The following EPS15 variants were observed in gnomAD, a reference collection of about 807,000 sequenced individuals.
EPS15 encodes the protein epidermal growth factor receptor pathway substrate 15, also known as epidermal growth factor receptor substrate 15.
In EPS15, 72 loss-of-function variants were observed where a neutral mutation model predicts 113.8. That is an observed-to-expected ratio of 0.63 (90% CI 0.52 to 0.77). The LOEUF (loss-of-function observed/expected upper bound fraction) is 0.77, where lower values mean the gene tolerates loss of function less well. Among genes scored for constraint, EPS15 ranks in the 30% least tolerant of loss-of-function variants. The pLI is 0.00. For missense variants in EPS15, 1,048 were observed against 1,045.8 expected, an observed-to-expected ratio of 1.00 and a Z score of -0.03; for synonymous variants, 344 against 363.4, an observed-to-expected ratio of 0.95 and a Z score of 0.61.
At chr1:51,440,313 G>A in intron 12 of EPS15, 34 bp downstream of exon 12, 7 of 777,438 alleles carry the variant, frequency 9.0e-6, no homozygotes, top group Non-Finnish European at 1.6e-5. Flanking sequence ...GTGTGTGTGT[G>A]TATGTGAGTA....
At chr1:51,485,909 T>C (rs1644112596) in intron 1 of EPS15, among the ~76,000 whole-genome samples, 1 of 152,052 alleles carries the variant, frequency 6.6e-6, no homozygotes, top group South Asian at 2.1e-4. Context: ...GCGATTCTCA[T>C]GCCTCAGCCT....
intron 17 of EPS15, among the ~76,000 whole-genome samples, chr1:51,402,917 A>T (rs1382872592): frequency 1.3e-5 from 2 of 152,206 alleles, no homozygotes; most frequent in Non-Finnish European, 2.9e-5. Context: ...AAACAAAAGG[A>T]AAATCAACTG....
At chr1:51,505,676 CAATT>C (rs1339425821) in intron 1 of EPS15, among the ~76,000 whole-genome samples, 6 of 151,668 alleles carry the variant, frequency 4.0e-5, no homozygotes, top group Admixed American at 3.3e-4. Context: ...AATTACATCT[CAATT>C]AAACTGTTTA....
intron 14 of EPS15, 64 bp downstream of exon 14, chr1:51,409,471 C>T: frequency 6.9e-7 from 1 of 1,453,264 alleles, no homozygotes; most frequent in Non-Finnish European, 9.3e-7. Flanking sequence ...AGAATGTTTT[C>T]ATCTTAAGCC....
chr1:51,384,919 T>C (rs547036775), intron 21 of EPS15, among the ~76,000 whole-genome samples: 5 of 152,348 alleles, frequency 3.3e-5, no homozygotes, highest in African/African-American at 1.2e-4. Context: ...GTTGGACTCT[T>C]ACCTCACACA....
chr1:51,401,246 G>T, intron 18 of EPS15: 1 of 228,232 alleles, frequency 4.4e-6, no homozygotes, highest in Non-Finnish European at 8.4e-6. Context: ...CACCAGTTCA[G>T]AAATAAAGGT....
chr1:51,391,428 A>G (rs1647350896), intron 21 of EPS15, among the ~76,000 whole-genome samples: 1 of 151,994 alleles, frequency 6.6e-6, no homozygotes, highest in South Asian at 2.1e-4. Context: ...ACTAACCTGC[A>G]CATTGTGCAC....
intron 1 of EPS15, among the ~76,000 whole-genome samples, chr1:51,488,602 G>T (rs1294610039): frequency 1.3e-5 from 2 of 151,696 alleles, no homozygotes; most frequent in Non-Finnish European, 2.9e-5. Context: ...TCCTGATCTG[G>T]TTGGTTTTGA....
chr1:51,412,662 G>A (rs1291204978), intron 13 of EPS15, among the ~76,000 whole-genome samples: 5 of 151,956 alleles, frequency 3.3e-5, no homozygotes, highest in African/African-American at 4.8e-5. Context: ...ATAGAGATAC[G>A]ACTTTAGATA....
chr1:51,367,049 T>C (rs141709003), intron 21 of EPS15, among the ~76,000 whole-genome samples: 2 of 152,232 alleles, frequency 1.3e-5, no homozygotes, highest in South Asian at 2.1e-4. Context: ...CAAATAATAA[T>C]AAAACAGTCT....
At chr1:51,446,710 C>A (rs201698112) in intron 10 of EPS15, among the ~76,000 whole-genome samples, 10 of 152,174 alleles carry the variant, frequency 6.6e-5, no homozygotes, top group Non-Finnish European at 8.8e-5. Context: ...CCACCTCGGC[C>A]TCCCAAAGTG....
At chr1:51,381,218 A>G (rs914916277) in intron 21 of EPS15, among the ~76,000 whole-genome samples, 2 of 152,208 alleles carry the variant, frequency 1.3e-5, no homozygotes, top group African/African-American at 2.4e-5. Flanking sequence ...TCTCAAGTAC[A>G]TATCTAATGT....
chr1:51,495,651 C>T (rs1452565258), intron 1 of EPS15, among the ~76,000 whole-genome samples: 2 of 151,856 alleles, frequency 1.3e-5, no homozygotes, highest in African/African-American at 2.4e-5. Flanking sequence ...ATTACTTGTT[C>T]CATTCCTTAT....
intron 24 of EPS15, among the ~76,000 whole-genome samples, chr1:51,358,360 A>G (rs1304683695): frequency 6.6e-6 from 1 of 152,242 alleles, no homozygotes; most frequent in Non-Finnish European, 1.5e-5. Context: ...GTCTAAATAA[A>G]ATCTTAACAC....
At chr1:51,503,361 C>T (rs754799640) in intron 1 of EPS15, among the ~76,000 whole-genome samples, 9 of 152,282 alleles carry the variant, frequency 5.9e-5, no homozygotes, top group Middle Eastern at 3.4e-3. Context: ...GTAGGCTGGG[C>T]GCGGTGGGTC....
intron 1 of EPS15, among the ~76,000 whole-genome samples, chr1:51,489,291 A>G (rs1398829392): frequency 6.7e-6 from 1 of 148,414 alleles, no homozygotes; most frequent in East Asian, 2.0e-4. Context: ...TATACCATAT[A>G]TATATATATA....
intron 1 of EPS15, among the ~76,000 whole-genome samples, chr1:51,505,269 G>A (rs991148558): frequency 6.6e-6 from 1 of 152,056 alleles, no homozygotes; most frequent in Non-Finnish European, 1.5e-5. Flanking sequence ...GCCAAAAGGT[G>A]GAAACCACCC....
chr1:51,357,394 ATATATATATAT>A (rs1646250710), intron 24 of EPS15, among the ~76,000 whole-genome samples: 1 of 61,734 alleles, frequency 1.6e-5, no homozygotes, highest in African/African-American at 9.1e-5. Context: ...AAAAAAAAAT[ATATATATATAT>A]ATATATATAT....
At chr1:51,422,153 G>T in intron 12 of EPS15, 1 of 670,260 alleles carries the variant, frequency 1.5e-6, no homozygotes, top group Non-Finnish European at 2.0e-6. Context: ...TGATGTCACT[G>T]TTGCTATGGA....
Sources: allele counts gnomAD v4.1 joint callset (sites outside exome capture counted in the v4.1 genomes callset), GRCh38; gene constraint gnomAD v4.1.1; transcripts MANE v1.5; gene names NCBI Gene and HGNC (gene_info 2026-07-23, HGNC 2026-07-21).